Variants in RMDN2 observed in about 807,000 individuals in gnomAD.
RMDN2 encodes the protein regulator of microtubule dynamics 2.
In RMDN2, 61 loss-of-function variants were observed where a neutral mutation model predicts 52.8. The observed-to-expected ratio is 1.16, with a 90% confidence interval of 0.94 to 1.43. The LOEUF is 1.43. Ranked by LOEUF, RMDN2 falls within the 40% of genes most tolerant of loss-of-function variation. The probability of loss-of-function intolerance (pLI) is 0.00; values close to 1 mark genes in which losing one functional copy is unlikely to be tolerated. For synonymous variants in RMDN2, 180 were observed against 153.1 expected (o/e 1.18, Z -1.30); for missense variants, 592 against 475.3 (o/e 1.25, Z -2.28).
intron 7 of RMDN2, among the ~76,000 whole-genome samples, chr2:37,991,827 G>A (rs17412002): frequency 0.12 from 18,851 of 152,124 alleles, 1,403 homozygotes; most frequent in Non-Finnish European, 0.17. Context: ...AGGGATACGC[G>A]ACATATATAG....
intron 2 of RMDN2, among the ~76,000 whole-genome samples, chr2:37,937,259 C>G (rs1419258789): frequency 6.6e-6 from 1 of 152,058 alleles, no homozygotes; most frequent in African/African-American, 2.4e-5. Context: ...TTCCATTGGT[C>G]TATATATCTG....
chr2:37,992,803 T>A (rs1344861059), intron 7 of RMDN2, among the ~76,000 whole-genome samples: 1 of 152,158 alleles, frequency 6.6e-6, no homozygotes, highest in African/African-American at 2.4e-5. Context: ...ATATTGTAGC[T>A]CACTCACTTT....
chr2:37,963,706 T>G (rs1670599054), intron 2 of RMDN2, among the ~76,000 whole-genome samples: 1 of 152,220 alleles, frequency 6.6e-6, no homozygotes, highest in South Asian at 2.1e-4. Context: ...GAGTCTCCTA[T>G]GTCTACTTCT....
chr2:38,018,937 T>TA (rs1679126964), downstream of RMDN2, among the ~76,000 whole-genome samples: 1 of 152,200 alleles, frequency 6.6e-6, no homozygotes, highest in African/African-American at 2.4e-5. Context: ...CAAGCCGTGA[T>TA]AGACATTCTG....
intron 7 of RMDN2, among the ~76,000 whole-genome samples, chr2:37,996,496 G>T (rs1433488296): frequency 4.0e-5 from 6 of 149,496 alleles, no homozygotes; most frequent in African/African-American, 1.2e-4. Flanking sequence ...GAAGTGGGAG[G>T]ATTGTTGAGC....
At chr2:37,940,350 A>G (rs1415934986) in intron 2 of RMDN2, among the ~76,000 whole-genome samples, 2 of 152,002 alleles carry the variant, frequency 1.3e-5, no homozygotes, top group African/African-American at 2.4e-5. Flanking sequence ...GAATCTGACA[A>G]TTATGTGTTT....
chr2:37,979,583 G>A (rs1673032664), intron 4 of RMDN2, among the ~76,000 whole-genome samples: 1 of 152,190 alleles, frequency 6.6e-6, no homozygotes. Context: ...TGTTTCTGAA[G>A]TATTATGATA....
intron 10 of RMDN2, among the ~76,000 whole-genome samples, chr2:38,022,964 T>C (rs928753973): frequency 5.9e-5 from 9 of 152,184 alleles, no homozygotes; most frequent in South Asian, 2.1e-4. Flanking sequence ...ACTTGTGCTT[T>C]CTTTGAGCCC....
intron 10 of RMDN2, chr2:38,012,597 C>G: frequency 2.1e-6 from 1 of 468,278 alleles, no homozygotes; most frequent in Non-Finnish European, 4.4e-6. Context: ...GCATTTTTTT[C>G]CTCAGTGATG....
chr2:37,950,525 T>G (rs1234050493), intron 2 of RMDN2: 1 of 1,612,876 alleles, frequency 6.2e-7, no homozygotes, highest in African/African-American at 1.3e-5. Context: ...TTTTATGGCT[T>G]AAGGATGACG....
At chr2:38,009,576 A>G (rs1053902081) in intron 10 of RMDN2, among the ~76,000 whole-genome samples, 1 of 152,126 alleles carries the variant, frequency 6.6e-6, no homozygotes, top group Non-Finnish European at 1.5e-5. Flanking sequence ...CCTTTAAGGA[A>G]TTCTCTGCGT....
rs144955912 is a variant in RMDN2 at position 37,939,107 on chromosome 2, G to A, written c.452+9378G>A. Among the ~76,000 whole-genome samples the A allele has an allele frequency of 1.5e-3, 229 of 152,104 alleles. 5 individuals are homozygous for A. In the East Asian group the frequency reaches 0.037, roughly 24 times the overall value. The stretch of plus-strand genomic sequence containing the variant: ...TCTGGTACGTTGCATTTTTGTTCTC[G>A]TCGGTTTCAAATAACTTATTTATTC... On this transcript the variant is annotated intron_variant, in intron 2 of 10. Transcript: ENST00000354545.
chr2:37,948,909 C>G lies in RMDN2; in HGVS notation c.452+19180C>G, dbSNP rs79415232. Among the ~76,000 whole-genome samples, 397 of 152,196 alleles carry G rather than the reference C, an allele frequency of 2.6e-3. 6 individuals are homozygous for G. The East Asian group carries it at 0.037, about 14-fold the overall frequency. ...GAGATTTAGTTACAAATAATTATTT[C>G]CTTTGGGGTAGCTCAGTGAGCAGAT... is the stretch of plus-strand genomic sequence containing the variant. On this transcript the variant is annotated intron_variant, in intron 2 of 10. Transcript: ENST00000354545.
chr2:38,042,777 T>G (rs1173266540), intron 10 of RMDN2, among the ~76,000 whole-genome samples: 3 of 152,198 alleles, frequency 2.0e-5, no homozygotes, highest in Non-Finnish European at 2.9e-5. Flanking sequence ...ATTTATACAT[T>G]TTTAATTTAT....
intron 2 of RMDN2, chr2:37,951,263 A>G (rs4670799): frequency 0.47 from 745,232 of 1,598,802 alleles, 180,248 homozygotes; most frequent in South Asian, 0.54. Flanking sequence ...GCTTCCAACG[A>G]TGTTCTCCAG....
intron 2 of RMDN2, among the ~76,000 whole-genome samples, chr2:37,955,089 G>T (rs1449457109): frequency 6.6e-6 from 1 of 152,050 alleles, no homozygotes; most frequent in African/African-American, 2.4e-5. Flanking sequence ...TTGTGTATGT[G>T]TGTGAAATAT....
Position 37,972,187 on chromosome 2 carries a change from G to A in RMDN2, c.453-1853G>A, listed in dbSNP as rs140163846. ...GTAGAAATTAAACTGACTTTCATAT[G>A]TTAATATTATATTCAGCCAATTTGC... On this transcript the variant is annotated intron_variant, in intron 2 of 10. Coordinates refer to ENST00000354545, the MANE Select transcript of RMDN2 (RefSeq NM_001170791.3). Among the ~76,000 whole-genome samples the A allele has an allele frequency of 2.6e-3, 396 of 152,082 alleles. 2 individuals carry two copies. Among genetic ancestry groups the A allele is most frequent in the Middle Eastern group, 0.01 (3 of 294 alleles).
chr2:37,967,380 G>A (rs1671199750), intron 2 of RMDN2, among the ~76,000 whole-genome samples: 2 of 152,268 alleles, frequency 1.3e-5, no homozygotes, highest in African/African-American at 2.4e-5. Flanking sequence ...ATTTCTTTAA[G>A]GAATCATAAC....
intron 2 of RMDN2, among the ~76,000 whole-genome samples, chr2:37,960,392 ATTAT>A (rs1413180474): frequency 1.3e-5 from 2 of 151,994 alleles, no homozygotes; most frequent in Non-Finnish European, 2.9e-5. Context: ...TCCCCTTACC[ATTAT>A]GTAATTACCT....
Sources: allele counts gnomAD v4.1 joint callset (sites outside exome capture counted in the v4.1 genomes callset), GRCh38; gene constraint gnomAD v4.1.1; transcripts MANE v1.5; gene names NCBI Gene and HGNC (gene_info 2026-07-23, HGNC 2026-07-21).